DLG2: variants seen among roughly 807,000 people sequenced by gnomAD.
DLG2 encodes the protein disks large homolog 2.
In DLG2, 45 loss-of-function variants were observed where a neutral mutation model predicts 132.5. That is an observed-to-expected ratio of 0.34 (90% CI 0.27 to 0.44). The LOEUF is 0.44. DLG2 is among the 20% of genes least tolerant of loss of function. DLG2 has a pLI of 1.00. For synonymous variants in DLG2, 424 were observed against 419.6 expected (o/e 1.01, Z -0.13); for missense variants, 1,045 against 1,196.9 (o/e 0.87, Z 1.87).
chr11:83,983,282 A>C (rs1396869688), intron 11 of DLG2, among the ~76,000 whole-genome samples: 3 of 152,224 alleles, frequency 2.0e-5, no homozygotes, highest in South Asian at 4.1e-4. Context: ...CAAATTACTC[A>C]AGAAGACAGA....
chr11:84,257,412 T>C (rs2097490732), intron 7 of DLG2, among the ~76,000 whole-genome samples: 1 of 152,324 alleles, frequency 6.6e-6, no homozygotes, highest in South Asian at 2.1e-4. Context: ...AATCCCCTGA[T>C]ATATTAATAC....
At chr11:84,406,516 T>C (rs187748170) in intron 7 of DLG2, among the ~76,000 whole-genome samples, 246 of 152,274 alleles carry the variant, frequency 1.6e-3, no homozygotes, top group African/African-American at 5.6e-3. Flanking sequence ...TATTTCACTT[T>C]GTTTGTAGAG....
intron 3 of DLG2, among the ~76,000 whole-genome samples, chr11:85,523,150 G>A (rs2074450354): frequency 6.6e-6 from 1 of 152,186 alleles, no homozygotes. Flanking sequence ...CTATTCTCAT[G>A]ACAATGAATG....
rs571067989 is a variant in DLG2 at position 85,577,192 on chromosome 11, G to T, written c.40+21465C>A. Among the ~76,000 whole-genome samples, 11 of 152,224 alleles carry T rather than the reference G, an allele frequency of 7.2e-5. No homozygotes were observed. The South Asian group carries it at 1.0e-3, about 14-fold the overall frequency. On this transcript the variant is annotated intron_variant, in intron 3 of 27. Transcript: ENST00000376104. ...AACTTTTGCTTTAAAATATCACTCT[G>T]TATGCTATGCAGAGAACAGATTGGC...
At chr11:84,935,004 C>G (rs72955544) in intron 6 of DLG2, among the ~76,000 whole-genome samples, 5,453 of 152,180 alleles carry the variant, frequency 0.036, 133 homozygotes, top group East Asian at 0.093. Context: ...CTGCCTGAAA[C>G]TTCCTCTTCC....
chr11:85,069,732 G>A lies in DLG2; in HGVS notation c.357+41929C>T, dbSNP rs549718557. Among the ~76,000 whole-genome samples the A allele has an allele frequency of 1.0e-3, 155 of 152,246 alleles. 1 individual carries two copies. Among genetic ancestry groups the A allele is most frequent in the Non-Finnish European group, 2.1e-3 (140 of 68,006 alleles). Reference sequence around the variant, plus strand: ...ACTGTAAACTAGTTTAACCATTGTGGAAGTCAGTGTGGCGATTCCTCAGGG... The same window carrying A: ...ACTGTAAACTAGTTTAACCATTGTGAAAGTCAGTGTGGCGATTCCTCAGGG... On this transcript the variant is annotated intron_variant, in intron 6 of 27. Coordinates refer to ENST00000376104, the MANE Select transcript of DLG2 (RefSeq NM_001142699.3).
At position 84,650,781 on chromosome 11, in the gene DLG2, T is replaced by C. The variant is rs556856458; in HGVS notation, c.358-116050A>G. Among the ~76,000 whole-genome samples, 21 of 150,004 alleles carry C rather than the reference T, an allele frequency of 1.4e-4. No homozygotes were observed. In the East Asian group the frequency reaches 3.1e-3, roughly 22 times the overall value. ...ATCACAGTATTTAAGAGATGAACTA[T>C]ATTTTATTGTGTTAATATGCTGTAA... On this transcript the variant is annotated intron_variant, in intron 6 of 27. Transcript: ENST00000376104.
chr11:84,384,916 G>T (rs186759866), intron 7 of DLG2, among the ~76,000 whole-genome samples: 1 of 152,222 alleles, frequency 6.6e-6, no homozygotes, highest in African/African-American at 2.4e-5. Flanking sequence ...CTTTAACTGA[G>T]ATTTTGAATT....
chr11:85,500,983 A>G (rs1214302071), intron 3 of DLG2, among the ~76,000 whole-genome samples: 1 of 152,230 alleles, frequency 6.6e-6, no homozygotes, highest in East Asian at 1.9e-4. Context: ...CAGGAAGAAC[A>G]AAGCTGGAGG....
intron 8 of DLG2, among the ~76,000 whole-genome samples, chr11:84,187,376 G>C (rs900814754): frequency 4.6e-5 from 7 of 151,952 alleles, no homozygotes; most frequent in Non-Finnish European, 1.0e-4. Context: ...AAGGTGGTTT[G>C]TCAATTTTCT....
At chr11:85,166,506 C>T (rs995240980) in intron 4 of DLG2, among the ~76,000 whole-genome samples, 1 of 152,102 alleles carries the variant, frequency 6.6e-6, no homozygotes, top group African/African-American at 2.4e-5. Context: ...CCCTCCTCCA[C>T]ACAGCCTGTG....
At chr11:84,209,953 C>G (rs1016512741) in intron 8 of DLG2, among the ~76,000 whole-genome samples, 2 of 152,116 alleles carry the variant, frequency 1.3e-5, no homozygotes, top group African/African-American at 4.8e-5. Context: ...TAACACCTAT[C>G]TAAGGATCCA....
At chr11:85,367,411 T>G (rs2084643288) in intron 3 of DLG2, among the ~76,000 whole-genome samples, 1 of 152,130 alleles carries the variant, frequency 6.6e-6, no homozygotes, top group South Asian at 2.1e-4. Flanking sequence ...GTCATATGGT[T>G]TTAGTGAGGA....
At chr11:85,069,865 G>A (rs1456319582) in intron 6 of DLG2, among the ~76,000 whole-genome samples, 1 of 152,084 alleles carries the variant, frequency 6.6e-6, no homozygotes, top group Non-Finnish European at 1.5e-5. Context: ...TATGTTTATT[G>A]TGGCACTATT....
chr11:83,816,304 C>G (rs185538869), intron 17 of DLG2, among the ~76,000 whole-genome samples: 1 of 152,284 alleles, frequency 6.6e-6, no homozygotes, highest in East Asian at 1.9e-4. Flanking sequence ...TTTTAAGGAG[C>G]TGTTGCCATA....
chr11:84,811,693 ATTCAC>A (rs2076576386), intron 6 of DLG2, among the ~76,000 whole-genome samples: 1 of 152,146 alleles, frequency 6.6e-6, no homozygotes, highest in Admixed American at 6.6e-5. Context: ...CTTACCATTC[ATTCAC>A]TTATTTATAT....
intron 21 of DLG2, among the ~76,000 whole-genome samples, chr11:83,505,923 G>A (rs1282583714): frequency 6.6e-6 from 1 of 152,164 alleles, no homozygotes; most frequent in African/African-American, 2.4e-5. Flanking sequence ...CTCCCCATGA[G>A]GCCATTGGTG....
intron 7 of DLG2, among the ~76,000 whole-genome samples, chr11:84,261,026 G>A (rs2097542118): frequency 6.6e-6 from 1 of 152,154 alleles, no homozygotes; most frequent in African/African-American, 2.4e-5. Context: ...AGATCCATGT[G>A]GATACCATCT....
chr11:84,648,828 CA>C (rs2154546206), intron 6 of DLG2, among the ~76,000 whole-genome samples: 1 of 151,992 alleles, frequency 6.6e-6, no homozygotes, highest in African/African-American at 2.4e-5. Context: ...AAGCCCTCAC[CA>C]GAAGCAGATG....
Sources: allele counts gnomAD v4.1 joint callset (sites outside exome capture counted in the v4.1 genomes callset), GRCh38; gene constraint gnomAD v4.1.1; transcripts MANE v1.5; gene names NCBI Gene and HGNC (gene_info 2026-07-23, HGNC 2026-07-21).